The following GRK3 variants were observed in gnomAD, a reference collection of about 807,000 sequenced individuals.
The protein encoded by GRK3 is G protein-coupled receptor kinase 3.
A neutral mutation model predicts 95.7 loss-of-function variants in GRK3; 54 were observed. The observed-to-expected ratio is 0.56, with a 90% CI of 0.45 to 0.71. The LOEUF is 0.71. GRK3 is among the 30% of genes least tolerant of loss of function. GRK3 has a pLI of 0.00. For synonymous variants in GRK3, 281 were observed against 290.8 expected (o/e 0.97, Z 0.34); for missense variants, 649 against 851.2 (o/e 0.76, Z 2.96).
intron 1 of GRK3, among the ~76,000 whole-genome samples, chr22:25,600,720 G>A (rs1031883777): frequency 2.0e-5 from 3 of 152,150 alleles, no homozygotes; most frequent in Non-Finnish European, 4.4e-5. Context: ...GCGGGTCCTA[G>A]ATAGAACTCA....
intron 2 of GRK3, among the ~76,000 whole-genome samples, chr22:25,643,355 G>A (rs761023608): frequency 2.0e-5 from 3 of 152,180 alleles, no homozygotes; most frequent in Non-Finnish European, 2.9e-5. Flanking sequence ...TTGAGTGAAC[G>A]AACACTTACC....
At position 25,661,299 on chromosome 22, in the gene GRK3, T is replaced by C. The variant is rs77015463; in HGVS notation, c.265-277T>C. 6.0e-3 allele frequency among the ~76,000 whole-genome samples: 913 copies of C among 152,338 alleles called. 6 individuals are homozygous for C. The highest frequency in any genetic ancestry group is 9.9e-3 in the Admixed American group (151 of 15,296). On this transcript the variant is annotated intron_variant, in intron 3 of 20. Coordinates refer to ENST00000324198, the MANE Select transcript of GRK3 (RefSeq NM_005160.4). ...TGGCTCGTGTATTGTAAGATAATTG[T>C]AACCATGGCAGTGTGTGTTTCCTAA...
At chr22:25,577,548 G>A (rs1052483244) in intron 1 of GRK3, among the ~76,000 whole-genome samples, 2 of 152,166 alleles carry the variant, frequency 1.3e-5, no homozygotes, top group African/African-American at 2.4e-5. Context: ...AATTAATGGA[G>A]CGGGTTGCAT....
chr22:25,720,047 G>A (rs1435261643), intron 19 of GRK3, among the ~76,000 whole-genome samples: 1 of 152,110 alleles, frequency 6.6e-6, no homozygotes, highest in Non-Finnish European at 1.5e-5. Context: ...GACCTGAAGT[G>A]TAACTCAGGG....
At chr22:25,615,936 C>CAGGG (rs1338090409) in intron 2 of GRK3, among the ~76,000 whole-genome samples, 3 of 147,924 alleles carry the variant, frequency 2.0e-5, no homozygotes, top group African/African-American at 5.3e-5. Context: ...AAGTGTTGAG[C>CAGGG]AGGGCAAAGA....
intron 12 of GRK3, among the ~76,000 whole-genome samples, chr22:25,692,346 G>A (rs2085171652): frequency 6.6e-6 from 1 of 152,222 alleles, no homozygotes; most frequent in Admixed American, 6.5e-5. Flanking sequence ...CTGGGTTTGG[G>A]TTCTTCTTCC....
At chr22:25,624,757 G>GT (rs2084614239) in intron 2 of GRK3, among the ~76,000 whole-genome samples, 1 of 151,964 alleles carries the variant, frequency 6.6e-6, no homozygotes, top group South Asian at 2.1e-4. Flanking sequence ...TTTTCTCTTT[G>GT]TAATTCTAAA....
intron 15 of GRK3, among the ~76,000 whole-genome samples, chr22:25,704,904 A>C (rs2085287895): frequency 6.6e-6 from 1 of 152,204 alleles, no homozygotes; most frequent in Admixed American, 6.5e-5. Flanking sequence ...CTCCTGCCCC[A>C]AAACACTCTG....
chr22:25,590,369 A>G (rs1172930879), intron 1 of GRK3, among the ~76,000 whole-genome samples: 1 of 152,002 alleles, frequency 6.6e-6, no homozygotes, highest in Non-Finnish European at 1.5e-5. Flanking sequence ...TCCATACATT[A>G]TGCCTGATTG....
At chr22:25,700,409 C>T (rs2146451187) in intron 13 of GRK3, among the ~76,000 whole-genome samples, 1 of 152,296 alleles carries the variant, frequency 6.6e-6, no homozygotes, top group South Asian at 2.1e-4. Flanking sequence ...CGTTGATTGT[C>T]TCCCCGTGGA....
intron 15 of GRK3, among the ~76,000 whole-genome samples, chr22:25,707,235 T>C (rs924117831): frequency 3.9e-5 from 6 of 152,344 alleles, no homozygotes; most frequent in African/African-American, 1.4e-4. Flanking sequence ...ACCTTTTTTC[T>C]GGGGCATTTC....
intron 17 of GRK3, 84 bp from the exon 18 acceptor site, chr22:25,714,324 G>C: frequency 1.7e-6 from 2 of 1,144,604 alleles, no homozygotes; most frequent in Non-Finnish European, 2.5e-6. Flanking sequence ...AGTTATGATA[G>C]AGTCACCATG....
chr22:25,596,742 C>G (rs1439966127), intron 1 of GRK3, among the ~76,000 whole-genome samples: 4 of 152,194 alleles, frequency 2.6e-5, no homozygotes, highest in African/African-American at 9.7e-5. Flanking sequence ...TCATAATTTA[C>G]TTGATACTTA....
chr22:25,582,123 A>C (rs1932120673), intron 1 of GRK3, among the ~76,000 whole-genome samples: 1 of 152,114 alleles, frequency 6.6e-6, no homozygotes, highest in Non-Finnish European at 1.5e-5. Context: ...CTAAAAATAC[A>C]AAAATTAGCC....
At chr22:25,570,240 C>G (rs1931643499) in intron 1 of GRK3, among the ~76,000 whole-genome samples, 1 of 152,138 alleles carries the variant, frequency 6.6e-6, no homozygotes, top group Non-Finnish European at 1.5e-5. Flanking sequence ...AGGTGAAATG[C>G]CTATTCTGTT....
At chr22:25,651,187 A>T (rs1414968886) in intron 3 of GRK3, among the ~76,000 whole-genome samples, 3 of 152,250 alleles carry the variant, frequency 2.0e-5, no homozygotes, top group Non-Finnish European at 4.4e-5. Flanking sequence ...TAGCAGCATT[A>T]GTGGTATAAG....
intron 1 of GRK3, among the ~76,000 whole-genome samples, chr22:25,586,899 T>G (rs1172891782): frequency 2.5e-5 from 3 of 118,686 alleles, no homozygotes; most frequent in African/African-American, 2.0e-4. Flanking sequence ...CCTTGCAATC[T>G]TTTTTTTTTT....
At chr22:25,688,500 T>C (rs1342305857) in intron 11 of GRK3, among the ~76,000 whole-genome samples, 13 of 152,158 alleles carry the variant, frequency 8.5e-5, no homozygotes, top group African/African-American at 3.1e-4. Flanking sequence ...GCCTGCGGAA[T>C]TTCTCTCAAA....
At chr22:25,709,860 A>G in intron 15 of GRK3, 38 bp from the exon 16 acceptor site, 1 of 1,484,192 alleles carries the variant, frequency 6.7e-7, no homozygotes, top group Non-Finnish European at 9.4e-7. Flanking sequence ...ACGTTTCCAA[A>G]TGCATACTCA....
Sources: gnomAD v4.1 joint callset for allele counts (sites outside exome capture counted in the v4.1 genomes callset) on GRCh38, gnomAD v4.1.1 for gene constraint, MANE v1.5 for transcripts, NCBI Gene and HGNC (gene_info 2026-07-23, HGNC 2026-07-21) for gene names.